The following FIGN variants were observed in gnomAD, a reference collection of about 807,000 sequenced individuals.
The protein encoded by FIGN is fidgetin, microtubule severing factor.
FIGN carries 11 observed loss-of-function variants against 51.3 expected under a neutral mutation model. That is an observed-to-expected ratio of 0.21 (90% confidence interval 0.13 to 0.35). The LOEUF (loss-of-function observed/expected upper bound fraction) is 0.35, where lower values mean the gene tolerates loss of function less well. Ranked by LOEUF, FIGN falls within the 10% of genes least tolerant of loss-of-function variation. The pLI, the probability that FIGN is intolerant of heterozygous loss-of-function variation, is 1.00. For synonymous variants in FIGN, 407 were observed against 363.2 expected, an observed-to-expected ratio of 1.12 and a Z score of -1.37; for missense variants, 857 against 943.6, an observed-to-expected ratio of 0.91 and a Z score of 1.20.
At chr2:163,634,123 T>A (rs1683191055) in intron 2 of FIGN, among the ~76,000 whole-genome samples, 1 of 151,182 alleles carries the variant, frequency 6.6e-6, no homozygotes, top group Admixed American at 6.6e-5. Flanking sequence ...TGTGTGTGTG[T>A]TTGGCTCACT....
At position 163,608,047 on chromosome 2, in the gene FIGN, G is replaced by A. The variant is rs1691149214; in HGVS notation, c.*1505C>T. On this transcript the variant is annotated 3_prime_UTR_variant, in exon 3 of 3. Coordinates refer to ENST00000333129, the MANE Select transcript of FIGN (RefSeq NM_018086.4). ...GAAACTAGATTTACGGTGAAAGATG[G>A]AAGAAAACAAAGTAACATGTTTGGC... 2 of 152,628 alleles carry A rather than the reference G, an allele frequency of 1.3e-5. No homozygotes were observed. The highest frequency in any genetic ancestry group is 4.8e-5 in the African/African-American group (2 of 41,444). 9.5% of individuals were successfully genotyped at this position (152,628 alleles called of 1,614,324 possible).
At chr2:163,679,558 C>T (rs1449463276) in intron 2 of FIGN, among the ~76,000 whole-genome samples, 1 of 152,020 alleles carries the variant, frequency 6.6e-6, no homozygotes, top group Non-Finnish European at 1.5e-5. Context: ...AGTATACCAG[C>T]TTTAGTCAAG....
intron 2 of FIGN, among the ~76,000 whole-genome samples, chr2:163,628,636 G>A (rs535990793): frequency 6.6e-6 from 1 of 151,834 alleles, no homozygotes; most frequent in Non-Finnish European, 1.5e-5. Flanking sequence ...TTAAGCAAGA[G>A]GAAGGAAAAA....
intron 2 of FIGN, among the ~76,000 whole-genome samples, chr2:163,690,599 A>T (rs981455050): frequency 6.6e-6 from 1 of 152,196 alleles, no homozygotes; most frequent in African/African-American, 2.4e-5. Flanking sequence ...AGTCTAGGCA[A>T]CAGTACAGAA....
intron 2 of FIGN, among the ~76,000 whole-genome samples, chr2:163,620,343 C>T (rs1180890449): frequency 2.0e-5 from 3 of 152,122 alleles, no homozygotes; most frequent in African/African-American, 7.2e-5. Flanking sequence ...CCCTTCCCCC[C>T]AGATCATCAG....
chr2:163,724,079 T>C lies in FIGN; in HGVS notation c.25+10824A>G, dbSNP rs1048336595. Among the ~76,000 whole-genome samples the C allele has an allele frequency of 3.9e-5, 6 of 152,284 alleles. No individual in the cohort carries two copies. The East Asian group carries it at 9.7e-4, about 25-fold the overall frequency. On this transcript the variant is annotated intron_variant, in intron 2 of 2. Coordinates refer to ENST00000333129, the MANE Select transcript of FIGN (RefSeq NM_018086.4). ...ACAAAACTGCAAGAAATCTTAGTCA[T>C]CATCGGATCACCTCAATCATCTCTT...
intron 2 of FIGN, among the ~76,000 whole-genome samples, chr2:163,643,729 G>A (rs1431441936): frequency 6.6e-6 from 1 of 150,978 alleles, no homozygotes; most frequent in Admixed American, 6.6e-5. Context: ...TGAGGCGGGT[G>A]GATCACCTGA....
intron 2 of FIGN, among the ~76,000 whole-genome samples, chr2:163,732,339 T>C: frequency 6.6e-6 from 1 of 152,150 alleles, no homozygotes; most frequent in Admixed American, 6.5e-5. Context: ...ATAATGTTTC[T>C]TTTCCAAATA....
At chr2:163,704,407 T>C (rs886722047) in intron 2 of FIGN, among the ~76,000 whole-genome samples, 16 of 152,096 alleles carry the variant, frequency 1.1e-4, no homozygotes, top group Admixed American at 1.1e-3. Context: ...AGCGTAATTG[T>C]CAGGCATTTC....
chr2:163,634,083 T>G (rs1683188926), intron 2 of FIGN, among the ~76,000 whole-genome samples: 1 of 128,876 alleles, frequency 7.8e-6, no homozygotes, highest in East Asian at 2.4e-4. Context: ...TCTGTACGTA[T>G]GTATGCGTGT....
Position 163,711,561 on chromosome 2 carries a change from T to C in FIGN, c.25+23342A>G, listed in dbSNP as rs563226740. On this transcript the variant is annotated intron_variant, in intron 2 of 2. Coordinates refer to ENST00000333129, the MANE Select transcript of FIGN (RefSeq NM_018086.4). Reference sequence around the variant, plus strand: ...TAAATCCCCCCACTTAGAGCTCATTTGTGCGCCATGTAACCTGCAGTTCCT... The same window carrying C: ...TAAATCCCCCCACTTAGAGCTCATTCGTGCGCCATGTAACCTGCAGTTCCT... Among the ~76,000 whole-genome samples, 11 of 151,930 alleles carry C rather than the reference T, an allele frequency of 7.2e-5. No individual in the cohort carries two copies. In the South Asian group the frequency reaches 2.3e-3, roughly 32 times the overall value.
chr2:163,612,965 G>A (rs1682788975), intron 2 of FIGN, among the ~76,000 whole-genome samples: 1 of 151,912 alleles, frequency 6.6e-6, no homozygotes, highest in South Asian at 2.1e-4. Flanking sequence ...ACTAAGTGAA[G>A]CAAAGTTGAC....
rs1268336530 is a variant in FIGN, at chr2:163,610,226, C to A, written c.1606G>T (p.Gly536Cys). The change falls in exon 3 of 3, where the codon GGC (glycine) becomes TGC (cysteine). Residue 536 changes from glycine to cysteine, a missense_variant. By Grantham distance (159) the Gly-to-Cys change is radical. Around this residue, in one of 3 missense-constraint regions of FIGN, gnomAD observed 799 missense variants for 849.5 expected, o/e 0.94. Transcript: ENST00000333129. ...CCCAGCTGACTAGCGATGCATCTGC[C>A]CAATAATGTTTTGCCTGTCCCCCGA... is the stretch of plus-strand genomic sequence containing the variant. ...GPRGTGKTLL[G>C]RCIASQLGAT... is the part of the protein sequence containing the mutation. The A allele has an allele frequency of 8.1e-6, 13 of 1,613,976 alleles. No individual in the cohort carries two copies. The highest frequency in any genetic ancestry group is 1.1e-5 in the Non-Finnish European group (13 of 1,180,022).
intron 2 of FIGN, among the ~76,000 whole-genome samples, chr2:163,657,822 T>C (rs758119284): frequency 6.6e-6 from 1 of 152,124 alleles, no homozygotes; most frequent in Non-Finnish European, 1.5e-5. Flanking sequence ...TGTATTCAAT[T>C]TGAGATTCTG....
chr2:163,734,673 T>C (rs1051201547), intron 2 of FIGN, among the ~76,000 whole-genome samples: 2 of 151,446 alleles, frequency 1.3e-5, no homozygotes, highest in African/African-American at 4.9e-5. Context: ...GGATGACAGC[T>C]AAAACCGATA....
chr2:163,696,721 C>G (rs546038135), intron 2 of FIGN, among the ~76,000 whole-genome samples: 45 of 151,854 alleles, frequency 3.0e-4, no homozygotes, highest in Middle Eastern at 3.4e-3. Context: ...AGGCTGGAGT[C>G]CTGTGGTCCA....
intron 2 of FIGN, among the ~76,000 whole-genome samples, chr2:163,627,187 G>A (rs1008069642): frequency 1.3e-5 from 2 of 151,836 alleles, no homozygotes; most frequent in African/African-American, 4.8e-5. Context: ...CTATGGACTC[G>A]CCCAGAATTC....
Position 163,610,631 on chromosome 2 carries a change from G to A in FIGN, c.1201C>T (p.Pro401Ser). Residue 401 changes from proline to serine, a missense_variant, in exon 3 of 3, where the codon CCT becomes TCT. Physicochemically the swap from Pro to Ser is moderately conservative, Grantham distance 74. Coordinates refer to ENST00000333129, the MANE Select transcript of FIGN (RefSeq NM_018086.4). ...FSSQSSRALT[P>S]PSYSTAKNSL... ...TTTTTAGCAGTACTGTAGGAAGGAG[G>A]GGTCAGAGCCCTACTGGACTGGCTG... The A allele has an allele frequency of 1.2e-6, 2 of 1,614,152 alleles. No homozygotes were observed. The highest frequency in any genetic ancestry group is 1.3e-5 in the African/African-American group (1 of 75,048).
At position 163,656,718 on chromosome 2, in the gene FIGN, A is replaced by G. The variant is rs539930007; in HGVS notation, c.26-44912T>C. Among the ~76,000 whole-genome samples, 6 of 152,318 alleles carry G rather than the reference A, an allele frequency of 3.9e-5. No homozygotes were observed. In the South Asian group the frequency reaches 1.0e-3, roughly 26 times the overall value. ...TTTTCCACTGTTTCATCAATAAGGA[A>G]GCAGGCACAGGGGCCTCTGTACTAT... is the stretch of plus-strand genomic sequence containing the variant. On this transcript the variant is annotated intron_variant, in intron 2 of 2. Coordinates refer to ENST00000333129, the MANE Select transcript of FIGN (RefSeq NM_018086.4).
Sources: gnomAD v4.1 joint callset for allele counts (sites outside exome capture counted in the v4.1 genomes callset) on GRCh38, gnomAD v4.1.1 for gene constraint, gnomAD v4.1.1 regional missense constraint, MANE v1.5 for transcripts, NCBI Gene and HGNC (gene_info 2026-07-23, HGNC 2026-07-21) for gene names.